The following MDGA2 variants were observed in gnomAD, a reference collection of about 807,000 sequenced individuals.
MDGA2 encodes the protein MAM domain containing glycosylphosphatidylinositol anchor 2, also known as MAM domain-containing glycosylphosphatidylinositol anchor protein 2.
Under a neutral mutation model 117.8 loss-of-function variants are expected in MDGA2, and 40 were observed. The ratio of observed to expected loss-of-function variants is 0.34; its 90% CI spans 0.26 to 0.44. MDGA2 has a LOEUF of 0.44. Ranked by LOEUF, MDGA2 falls within the 20% of genes least tolerant of loss-of-function variation. MDGA2 has a pLI of 1.00. For synonymous variants in MDGA2, 452 were observed against 439.0 expected (o/e 1.03, Z -0.37); for missense variants, 1,123 against 1,250.6 (o/e 0.90, Z 1.54).
At chr14:47,527,709 C>T (rs916457802) in intron 1 of MDGA2, among the ~76,000 whole-genome samples, 2 of 152,314 alleles carry the variant, frequency 1.3e-5, no homozygotes, top group Admixed American at 6.5e-5. Context: ...GAAATACCCT[C>T]TGCATTTGAC....
chr14:47,242,803 G>C (rs535710118), intron 2 of MDGA2, among the ~76,000 whole-genome samples: 1 of 151,820 alleles, frequency 6.6e-6, no homozygotes, highest in Admixed American at 6.6e-5. Flanking sequence ...GAGTCCCATC[G>C]ACCACCCAAG....
At chr14:46,944,306 T>C (rs1885096000) in intron 9 of MDGA2, among the ~76,000 whole-genome samples, 1 of 152,086 alleles carries the variant, frequency 6.6e-6, no homozygotes, top group Non-Finnish European at 1.5e-5. Flanking sequence ...CACTTTCTTC[T>C]AAGCTGTATT....
At chr14:47,040,437 C>T (rs1425403158) in intron 7 of MDGA2, among the ~76,000 whole-genome samples, 1 of 152,030 alleles carries the variant, frequency 6.6e-6, no homozygotes, top group East Asian at 1.9e-4. Context: ...AATGTTAATT[C>T]AATCTATTTC....
intron 1 of MDGA2, among the ~76,000 whole-genome samples, chr14:47,626,053 C>T (rs1377500053): frequency 1.3e-5 from 2 of 152,196 alleles, no homozygotes; most frequent in Non-Finnish European, 2.9e-5. Context: ...GTGAGACTCA[C>T]TCATACTTAA....
intron 9 of MDGA2, among the ~76,000 whole-genome samples, chr14:46,938,540 C>CAAAATAAAAAAAAAAAAAAAAAAA (rs1884870668): frequency 3.7e-5 from 1 of 27,008 alleles, no homozygotes; most frequent in Non-Finnish European, 8.8e-5. Context: ...AAATCCATCT[C>CAAAATAAAAAAAAAAAAAAAAAAA]AAAAAAAAAA....
chr14:47,564,932 C>G (rs1220815521), intron 1 of MDGA2, among the ~76,000 whole-genome samples: 1 of 152,026 alleles, frequency 6.6e-6, no homozygotes, highest in Non-Finnish European at 1.5e-5. Context: ...TTTTGAAATT[C>G]TTGTTGAGTT....
intron 8 of MDGA2, among the ~76,000 whole-genome samples, chr14:46,988,430 A>G (rs1303008943): frequency 6.6e-6 from 1 of 152,064 alleles, no homozygotes; most frequent in Non-Finnish European, 1.5e-5. Flanking sequence ...AAACTGAAAC[A>G]CCAGGGAAGC....
chr14:46,975,234 A>G (rs1886411675), intron 8 of MDGA2, among the ~76,000 whole-genome samples: 1 of 152,112 alleles, frequency 6.6e-6, no homozygotes, highest in Admixed American at 6.6e-5. Context: ...AGAACCCTTA[A>G]GCACTGTTGG....
At chr14:47,211,715 A>G (rs1358681267) in intron 3 of MDGA2, among the ~76,000 whole-genome samples, 1 of 152,164 alleles carries the variant, frequency 6.6e-6, no homozygotes, top group Non-Finnish European at 1.5e-5. Flanking sequence ...CCAAGCTGCC[A>G]AAAAAAGTGT....
intron 1 of MDGA2, among the ~76,000 whole-genome samples, chr14:47,351,117 C>T (rs1028504600): frequency 7.0e-6 from 1 of 142,540 alleles, no homozygotes; most frequent in Non-Finnish European, 1.5e-5. Context: ...TTGCTCTTGT[C>T]CCCCTGGCTG....
At chr14:47,093,333 T>G (rs1459929409) in intron 6 of MDGA2, among the ~76,000 whole-genome samples, 1 of 152,124 alleles carries the variant, frequency 6.6e-6, no homozygotes, top group East Asian at 1.9e-4. Flanking sequence ...AATACAGTAA[T>G]GTCTTGGTAT....
intron 14 of MDGA2, among the ~76,000 whole-genome samples, chr14:46,867,799 T>C (rs1406313318): frequency 6.6e-6 from 1 of 152,086 alleles, no homozygotes. Context: ...AGTGTACTTT[T>C]ATAATATGCA....
chr14:47,487,106 C>G (rs962708577), intron 1 of MDGA2, among the ~76,000 whole-genome samples: 2 of 152,182 alleles, frequency 1.3e-5, no homozygotes, highest in Admixed American at 6.6e-5. Context: ...AATTTCATTG[C>G]AATCACTTTT....
At chr14:47,594,182 C>T (rs1202451856) in intron 1 of MDGA2, among the ~76,000 whole-genome samples, 1 of 152,130 alleles carries the variant, frequency 6.6e-6, no homozygotes, top group Non-Finnish European at 1.5e-5. Context: ...TTAAGGCTTG[C>T]TCCCTTTAAA....
intron 1 of MDGA2, among the ~76,000 whole-genome samples, chr14:47,509,260 G>C (rs1195341082): frequency 6.6e-6 from 1 of 152,232 alleles, no homozygotes; most frequent in African/African-American, 2.4e-5. Flanking sequence ...GGATGGGATA[G>C]TATTGTGCGT....
intron 2 of MDGA2, among the ~76,000 whole-genome samples, chr14:47,292,611 T>C (rs1350778610): frequency 6.6e-6 from 1 of 151,968 alleles, no homozygotes; most frequent in Non-Finnish European, 1.5e-5. Context: ...CATAAATCCT[T>C]TGAAGGAAGG....
At chr14:46,865,615 A>G (rs1296922487) in intron 14 of MDGA2, among the ~76,000 whole-genome samples, 5 of 152,056 alleles carry the variant, frequency 3.3e-5, no homozygotes, top group African/African-American at 1.2e-4. Context: ...CTGTTTGCAG[A>G]CGACATGATT....
rs376586029 is a variant in MDGA2 at position 46,919,457 on chromosome 14, TAC to T, written c.2238+553_2238+554del. On this transcript the variant is annotated intron_variant, in intron 10 of 16. Coordinates refer to ENST00000399232, the MANE Select transcript of MDGA2 (RefSeq NM_001113498.3). ...TAACATTTTAACCCTTTGAAAAAGA[TAC>T]AGTTTTTTCCACATAACCCTTGATC... 1.2e-3 allele frequency among the ~76,000 whole-genome samples: 186 copies of T among 152,336 alleles called. 2 individuals carry two copies. Among genetic ancestry groups the T allele is most frequent in the South Asian group, 9.1e-3 (44 of 4,828 alleles).
intron 9 of MDGA2, among the ~76,000 whole-genome samples, chr14:46,953,841 C>T (rs767446603): frequency 6.6e-6 from 1 of 151,990 alleles, no homozygotes; most frequent in Non-Finnish European, 1.5e-5. Flanking sequence ...TAATTTAAAA[C>T]TTTATAAATA....
Sources: allele counts gnomAD v4.1 joint callset (sites outside exome capture counted in the v4.1 genomes callset), GRCh38; gene constraint gnomAD v4.1.1; transcripts MANE v1.5; gene names NCBI Gene and HGNC (gene_info 2026-07-23, HGNC 2026-07-21).